The following ANK2 variants were observed in gnomAD, a reference collection of about 807,000 sequenced individuals.
The protein encoded by ANK2 is ankyrin-2.
A neutral mutation model predicts 360.5 loss-of-function variants in ANK2; 83 were observed. The observed-to-expected ratio is 0.23, with a 90% confidence interval of 0.19 to 0.28. The LOEUF is 0.28. Among genes scored for constraint, ANK2 ranks in the 10% least tolerant of loss-of-function variants. ANK2 has a pLI of 1.00. For synonymous variants in ANK2, 1,740 were observed against 1,759.5 expected, an observed-to-expected ratio of 0.99 and a Z score of 0.28; for missense variants, 4,201 against 4,795.7, an observed-to-expected ratio of 0.88 and a Z score of 3.66.
intron 18 of ANK2, 106 bp downstream of exon 18, chr4:113,282,978 C>T (rs1165333718): frequency 7.8e-7 from 1 of 1,274,568 alleles, no homozygotes; most frequent in Non-Finnish European, 1.1e-6. Flanking sequence ...TAAAAAGAAA[C>T]AGGGATATCT....
intron 22 of ANK2, among the ~76,000 whole-genome samples, chr4:113,302,314 C>T (rs1461321317): frequency 6.6e-6 from 1 of 152,164 alleles, no homozygotes; most frequent in Admixed American, 6.5e-5. Context: ...ATATTTTCTG[C>T]CCAAATAGTT....
At chr4:112,827,516 C>T in intron 1 of ANK2, 2 of 1,215,422 alleles carry the variant, frequency 1.6e-6, no homozygotes, top group South Asian at 2.4e-5. Context: ...CTAAGAATCA[C>T]AAGAATCTGC....
intron 1 of ANK2, among the ~76,000 whole-genome samples, chr4:112,875,232 T>C (rs909890821): frequency 2.6e-4 from 40 of 152,252 alleles, no homozygotes; most frequent in African/African-American, 9.4e-4. Context: ...TTGGCCAGGA[T>C]GGTCTCAAAC....
At chr4:113,206,784 G>A (rs2153435589) in intron 4 of ANK2, among the ~76,000 whole-genome samples, 1 of 152,316 alleles carries the variant, frequency 6.6e-6, no homozygotes, top group Non-Finnish European at 1.5e-5. Flanking sequence ...AGCACTTTGG[G>A]AGACTGAGGT....
chr4:113,213,892 T>C (rs1264803883), intron 4 of ANK2, among the ~76,000 whole-genome samples: 2 of 151,404 alleles, frequency 1.3e-5, no homozygotes, highest in African/African-American at 4.9e-5. Flanking sequence ...GCCAGTGCAA[T>C]GAAAAGAGAA....
intron 1 of ANK2, among the ~76,000 whole-genome samples, chr4:113,075,179 G>A (rs1418003040): frequency 6.6e-6 from 1 of 152,152 alleles, no homozygotes; most frequent in Non-Finnish European, 1.5e-5. Flanking sequence ...TACATTATTA[G>A]CAGTAATTAA....
At chr4:113,043,880 T>C (rs2063585815) in intron 2 of ANK2, among the ~76,000 whole-genome samples, 1 of 152,024 alleles carries the variant, frequency 6.6e-6, no homozygotes, top group Non-Finnish European at 1.5e-5. Context: ...TGCTCTGGGA[T>C]TGTGATTCTA....
the ANK2 span, among the ~76,000 whole-genome samples, chr4:112,766,436 TTTAA>T: frequency 4.6e-5 from 7 of 152,262 alleles, no homozygotes; most frequent in Non-Finnish European, 1.0e-4. Context: ...TTAGAAATCC[TTTAA>T]TTACAAGTGA....
At chr4:113,137,420 C>T (rs1343018985) in intron 1 of ANK2, among the ~76,000 whole-genome samples, 2 of 152,136 alleles carry the variant, frequency 1.3e-5, no homozygotes, top group Non-Finnish European at 2.9e-5. Context: ...GTGTATAGGG[C>T]TGCTGGTCAC....
intron 2 of ANK2, among the ~76,000 whole-genome samples, chr4:112,905,567 T>G (rs2084910378): frequency 6.6e-6 from 1 of 152,256 alleles, no homozygotes; most frequent in African/African-American, 2.4e-5. Context: ...TTTCTATACT[T>G]CATGGCTATT....
In ANK2 at chr4:113,199,005, A is replaced by G. The variant is rs2098792095; in HGVS notation, c.286-6A>G. The G allele has an allele frequency of 6.2e-7, 1 of 1,609,832 alleles. No individual in the cohort carries two copies. The highest frequency in any genetic ancestry group is 1.3e-5 in the African/African-American group (1 of 74,806). On this transcript the variant is annotated splice_region_variant and splice_polypyrimidine_tract_variant and intron_variant, in intron 3 of 45. Coordinates refer to ENST00000357077, the MANE Select transcript of ANK2 (RefSeq NM_001148.6). ...GAACATTTTCTATTTTGTTTCTCCA[A>G]AACAGAAGGGAAATACCGCTCTTCA... is the stretch of plus-strand genomic sequence containing the variant.
At chr4:113,184,210 G>T (rs1237046595) in intron 2 of ANK2, among the ~76,000 whole-genome samples, 1 of 151,830 alleles carries the variant, frequency 6.6e-6, no homozygotes, top group Non-Finnish European at 1.5e-5. Flanking sequence ...TAAAGGATCA[G>T]TGTGGGAGTT....
At chr4:113,155,851 T>C (rs2097268702) in intron 1 of ANK2, among the ~76,000 whole-genome samples, 1 of 152,180 alleles carries the variant, frequency 6.6e-6, no homozygotes, top group Admixed American at 6.5e-5. Flanking sequence ...ACAATAAATA[T>C]ATGACTAAGT....
chr4:113,153,318 C>A (rs1378741013), intron 1 of ANK2, among the ~76,000 whole-genome samples: 1 of 152,072 alleles, frequency 6.6e-6, no homozygotes, highest in East Asian at 1.9e-4. Flanking sequence ...TGTGTCATAC[C>A]TTTCTAGATT....
At chr4:112,930,319 A>G (rs541398295) in intron 2 of ANK2, among the ~76,000 whole-genome samples, 1 of 151,874 alleles carries the variant, frequency 6.6e-6, no homozygotes, top group East Asian at 1.9e-4. Flanking sequence ...GTGTGCACAC[A>G]CACCTGTAGT....
rs145378799 is a variant in ANK2, at chr4:113,171,464, T to G, written c.85-2952T>G. ...AACTTTTAAAACCTCATTTTATTTCTGTCTTTGGAATTTACATTCTTGGAC... is the reference window on the plus strand; with the variant it reads ...AACTTTTAAAACCTCATTTTATTTCGGTCTTTGGAATTTACATTCTTGGAC... On this transcript the variant is annotated intron_variant, in intron 1 of 45. Transcript: ENST00000357077. Among the ~76,000 whole-genome samples, 4 of 152,372 alleles carry G rather than the reference T, an allele frequency of 2.6e-5. No individual in the cohort carries two copies. In the East Asian group the frequency reaches 5.8e-4, roughly 22 times the overall value.
chr4:113,354,003 G>A lies in ANK2; in HGVS notation c.5385G>A (p.Glu1795=), dbSNP rs777568337. 1.2e-6 allele frequency: 2 copies of A among 1,614,064 alleles called. No individual in the cohort carries two copies. Among genetic ancestry groups the A allele is most frequent in the Non-Finnish European group, 1.7e-6 (2 of 1,179,998 alleles). ...SKLPIRVKGK[E]DVPKKTTHRP... ...TGCCCATCAGAGTCAAAGGCAAGGA[G>A]GACGTGCCAAAAAAGACCACCCACA... The change falls in exon 38 of 46, where the codon GAG becomes GAA. Residue 1795 remains glutamate, a synonymous_variant. Transcript: ENST00000357077.
intron 1 of ANK2, among the ~76,000 whole-genome samples, chr4:112,859,888 G>A (rs1295788405): frequency 6.6e-6 from 1 of 152,204 alleles, no homozygotes; most frequent in Non-Finnish European, 1.5e-5. Context: ...TACTAAACTT[G>A]TCTTGGTTTC....
At position 113,357,898 on chromosome 4, in the gene ANK2, C is replaced by A; in HGVS notation, c.9280C>A (p.Pro3094Thr). 1.2e-6 allele frequency: 2 copies of A among 1,613,994 alleles called. No homozygotes were observed. The highest frequency in any genetic ancestry group is 1.7e-6 in the Non-Finnish European group (2 of 1,179,966). Residue 3094 changes from proline to threonine, a missense_variant, in exon 38 of 46, where the codon CCA becomes ACA. By Grantham distance (38) the Pro-to-Thr change is conservative (BLOSUM62 -1). This residue lies in a region of ANK2 where 2,642 missense variants were observed against 2,714.5 expected (regional missense o/e 0.97). Transcript: ENST00000357077. ...TAGGACCCCAACTGAAGAGGGGACC[C>A]CAACAAGTGAGCAAAACCCATTTCT... ...PARTPTEEGT[P>T]TSEQNPFLFQ...
Sources: allele counts gnomAD v4.1 joint callset (sites outside exome capture counted in the v4.1 genomes callset), GRCh38; gene constraint gnomAD v4.1.1; regional missense constraint gnomAD v4.1.1; transcripts MANE v1.5; gene names NCBI Gene and HGNC (gene_info 2026-07-23, HGNC 2026-07-21).